Variants in DLG2 observed in about 807,000 individuals in gnomAD.
DLG2 encodes the protein disks large homolog 2.
Under a neutral mutation model 132.5 loss-of-function variants are expected in DLG2, and 45 were observed. The ratio of observed to expected loss-of-function variants is 0.34; its 90% CI spans 0.27 to 0.44. DLG2 has a LOEUF of 0.44. Ranked by LOEUF, DLG2 falls within the 20% of genes least tolerant of loss-of-function variation. DLG2 has a pLI of 1.00. For missense variants in DLG2, 1,045 were observed against 1,196.9 expected (o/e 0.87, Z 1.87); for synonymous variants, 424 against 419.6 (o/e 1.01, Z -0.13).
intron 10 of DLG2, among the ~76,000 whole-genome samples, chr11:84,073,803 T>G (rs1021158006): frequency 6.6e-6 from 1 of 152,220 alleles, no homozygotes; most frequent in African/African-American, 2.4e-5. Context: ...TGTTGCTTCT[T>G]ATTTTGAACT....
At chr11:83,860,751 C>T (rs1008933465) in intron 16 of DLG2, among the ~76,000 whole-genome samples, 1 of 152,156 alleles carries the variant, frequency 6.6e-6, no homozygotes, top group African/African-American at 2.4e-5. Context: ...AATAATATGG[C>T]TTCACTGTGT....
intron 15 of DLG2, among the ~76,000 whole-genome samples, chr11:83,927,508 C>T (rs2079196671): frequency 6.6e-6 from 1 of 152,036 alleles, no homozygotes; most frequent in Non-Finnish European, 1.5e-5. Context: ...ATGTGAAACA[C>T]TTGAGACTAG....
At chr11:83,596,407 A>G (rs2057584658) in intron 19 of DLG2, among the ~76,000 whole-genome samples, 1 of 152,190 alleles carries the variant, frequency 6.6e-6, no homozygotes, top group Non-Finnish European at 1.5e-5. Flanking sequence ...TCACTATTGA[A>G]TATAATTTAG....
intron 6 of DLG2, among the ~76,000 whole-genome samples, chr11:84,588,679 A>G (rs924422778): frequency 6.6e-6 from 1 of 152,102 alleles, no homozygotes; most frequent in African/African-American, 2.4e-5. Flanking sequence ...GGAGGTTGGC[A>G]CAAGATACAG....
At chr11:85,482,354 C>A (rs72953932) in intron 3 of DLG2, among the ~76,000 whole-genome samples, 4,529 of 152,264 alleles carry the variant, frequency 0.03, 103 homozygotes, top group East Asian at 0.095. Flanking sequence ...GGCACCAAGA[C>A]CTAAGCTCCA....
chr11:84,435,702 G>A (rs2098998429), intron 7 of DLG2, among the ~76,000 whole-genome samples: 1 of 152,128 alleles, frequency 6.6e-6, no homozygotes, highest in African/African-American at 2.4e-5. Context: ...AGAAATGGAT[G>A]GGACAGATTG....
chr11:83,471,496 C>T (rs1315191798), intron 24 of DLG2, 130 bp downstream of exon 24: 12 of 644,376 alleles, frequency 1.9e-5, no homozygotes, highest in Non-Finnish European at 3.0e-5. Context: ...ATAAGGCACT[C>T]AGCTAATCGG....
intron 26 of DLG2, among the ~76,000 whole-genome samples, chr11:83,465,923 C>G (rs112084257): frequency 6.6e-6 from 1 of 152,196 alleles, no homozygotes; most frequent in Non-Finnish European, 1.5e-5. Flanking sequence ...TTACCTCTAT[C>G]TACTGTAGCT....
intron 6 of DLG2, among the ~76,000 whole-genome samples, chr11:84,710,889 T>C (rs2060307976): frequency 6.6e-6 from 1 of 151,232 alleles, no homozygotes; most frequent in Non-Finnish European, 1.5e-5. Flanking sequence ...CAGGATGCTA[T>C]TGTTATTCTA....
At chr11:84,450,860 C>T (rs901221751) in intron 7 of DLG2, among the ~76,000 whole-genome samples, 3 of 150,968 alleles carry the variant, frequency 2.0e-5, no homozygotes, top group African/African-American at 7.3e-5. Flanking sequence ...AACAACATGC[C>T]TGGTGCATAA....
In DLG2 at chr11:84,632,991, G is replaced by A. The variant is rs2099634644; in HGVS notation, c.358-98260C>T. ...AGCAATTCCATAGCTTTTCTTTCTTGAGTAAACTCCTCAGCATCAAATAGG... is the reference window on the plus strand; with the variant it reads ...AGCAATTCCATAGCTTTTCTTTCTTAAGTAAACTCCTCAGCATCAAATAGG... On this transcript the variant is annotated intron_variant, in intron 6 of 27. Coordinates refer to ENST00000376104, the MANE Select transcript of DLG2 (RefSeq NM_001142699.3). 2.0e-5 allele frequency among the ~76,000 whole-genome samples: 3 copies of A among 152,108 alleles called. No individual in the cohort carries two copies. The South Asian group carries it at 6.2e-4, about 32-fold the overall frequency.
rs550539661 is a variant in DLG2 at position 84,096,909 on chromosome 11, A to C, written c.749+2014T>G. ...AGATGCACATTTACCTGAAAAAAAAAAAAATGTGATTCTCTTCATCAAGCT... is the reference window on the plus strand; with the variant it reads ...AGATGCACATTTACCTGAAAAAAAACAAAATGTGATTCTCTTCATCAAGCT... On this transcript the variant is annotated intron_variant, in intron 10 of 27. Coordinates refer to ENST00000376104, the MANE Select transcript of DLG2 (RefSeq NM_001142699.3). Among the ~76,000 whole-genome samples the C allele has an allele frequency of 7.9e-5, 12 of 152,336 alleles. No homozygotes were observed. The East Asian group carries it at 2.3e-3, about 29-fold the overall frequency.
chr11:84,912,648 G>A (rs923972415), intron 6 of DLG2, among the ~76,000 whole-genome samples: 1 of 152,212 alleles, frequency 6.6e-6, no homozygotes, highest in East Asian at 1.9e-4. Context: ...TGTAAATGGA[G>A]ATGACGGATT....
At chr11:84,177,003 C>A (rs2095990020) in intron 8 of DLG2, among the ~76,000 whole-genome samples, 1 of 151,862 alleles carries the variant, frequency 6.6e-6, no homozygotes, top group African/African-American at 2.4e-5. Flanking sequence ...AAAATTTTCA[C>A]TTGCATTCTA....
intron 7 of DLG2, among the ~76,000 whole-genome samples, chr11:84,366,461 C>T (rs997718657): frequency 1.3e-5 from 2 of 151,594 alleles, no homozygotes; most frequent in African/African-American, 2.4e-5. Flanking sequence ...TCACACATAA[C>T]AATATTAACT....
At chr11:83,550,972 G>A (rs1255771691) in intron 19 of DLG2, among the ~76,000 whole-genome samples, 2 of 152,110 alleles carry the variant, frequency 1.3e-5, no homozygotes, top group African/African-American at 2.4e-5. Context: ...GCTAATAGTC[G>A]ATTATCATTC....
Position 83,467,771 on chromosome 11 carries a change from GTATATATATATATATATATATATATATA to G in DLG2, c.2620-982_2620-955del, listed in dbSNP as rs1192401405. On this transcript the variant is annotated intron_variant, in intron 25 of 27. Transcript: ENST00000376104. ...ATCTCAAAAAAAATAAAAACTATAT[GTATATATATATATATATATATATATATA>G]TATATATATATACACACACACATAT... 3.6e-4 allele frequency among the ~76,000 whole-genome samples: 31 copies of G among 85,062 alleles called. No individual in the cohort carries two copies. In the South Asian group the frequency reaches 6.6e-3, roughly 18 times the overall value. 55.8% of individuals were successfully genotyped at this position (85,062 alleles called of 152,430 possible).
chr11:83,827,373 C>T (rs1565230848), intron 17 of DLG2, among the ~76,000 whole-genome samples: 1 of 152,100 alleles, frequency 6.6e-6, no homozygotes, highest in Admixed American at 6.6e-5. Flanking sequence ...CCCCTCTGCA[C>T]GTTTCTAAAC....
At chr11:84,921,265 G>C (rs959970032) in intron 6 of DLG2, among the ~76,000 whole-genome samples, 4 of 152,062 alleles carry the variant, frequency 2.6e-5, no homozygotes, top group Non-Finnish European at 5.9e-5. Flanking sequence ...AAGTGCAAGA[G>C]CTAATTACTG....
Sources: allele counts gnomAD v4.1 joint callset (sites outside exome capture counted in the v4.1 genomes callset), GRCh38; gene constraint gnomAD v4.1.1; transcripts MANE v1.5; gene names NCBI Gene and HGNC (gene_info 2026-07-23, HGNC 2026-07-21).